Variants in ANXA10 observed in about 807,000 individuals in gnomAD.
ANXA10 encodes annexin 14.
ANXA10 carries 49 observed loss-of-function variants against 53.5 expected under a neutral mutation model. The ratio of observed to expected loss-of-function variants is 0.92; its 90% CI spans 0.73 to 1.16. The LOEUF is 1.16. Among genes scored for constraint, ANXA10 ranks in the 50% most tolerant of loss-of-function variants. The pLI, the probability that ANXA10 is intolerant of heterozygous loss-of-function variation, is 0.00. For synonymous variants in ANXA10, 131 were observed against 128.9 expected (o/e 1.02, Z -0.11); for missense variants, 393 against 394.4 (o/e 1.00, Z 0.03).
rs1024375168 is a variant in ANXA10, at chr4:168,172,492, T to C, written c.481-5248T>C. On this transcript the variant is annotated intron_variant, in intron 6 of 11. Coordinates refer to ENST00000359299, the MANE Select transcript of ANXA10 (RefSeq NM_007193.5). ...AAATCTTCCCACATCCACTGATGCA[T>C]CTTTGAAGTCTGCTATCTAAAGTTA... Among the ~76,000 whole-genome samples the C allele has an allele frequency of 2.0e-5, 3 of 152,226 alleles. No individual in the cohort carries two copies. In the South Asian group the frequency reaches 6.2e-4, roughly 32 times the overall value.
intron 2 of ANXA10, among the ~76,000 whole-genome samples, chr4:168,131,370 G>T (rs1731154230): frequency 6.6e-6 from 1 of 151,904 alleles, no homozygotes; most frequent in Non-Finnish European, 1.5e-5. Context: ...AAATTGTTAA[G>T]ATGTGTTTTG....
intron 3 of ANXA10, among the ~76,000 whole-genome samples, chr4:168,151,116 A>C (rs574031196): frequency 6.6e-6 from 1 of 152,182 alleles, no homozygotes; most frequent in East Asian, 1.9e-4. Context: ...TTAATTTTTC[A>C]ATATAATATA....
chr4:168,113,464 T>C (rs537931869), intron 1 of ANXA10: 1 of 152,302 alleles, frequency 6.6e-6, no homozygotes, highest in Non-Finnish European at 1.5e-5. Flanking sequence ...TCTCACTTGG[T>C]CTGGTGAGAG....
At position 168,187,425 on chromosome 4, in the gene ANXA10, G is replaced by A; in HGVS notation, c.966G>A (p.Glu322=). Residue 322 remains glutamate (E), a synonymous_variant, in exon 12 of 12, where the codon GAG becomes GAA. Coordinates refer to ENST00000359299, the MANE Select transcript of ANXA10 (RefSeq NM_007193.5). ...ALLAICAGDA[E]DY The stretch of plus-strand genomic sequence containing the variant: ...TTGCCATCTGTGCTGGTGATGCTGA[G>A]GACTACTAAAATGAAGAGGACTTGG... The A allele has an allele frequency of 1.3e-6, 2 of 1,591,602 alleles. No homozygotes were observed. The highest frequency in any genetic ancestry group is 1.7e-6 in the Non-Finnish European group (2 of 1,167,142).
chr4:168,118,537 T>A (rs1730934515), intron 1 of ANXA10, among the ~76,000 whole-genome samples: 1 of 152,164 alleles, frequency 6.6e-6, no homozygotes, highest in Non-Finnish European at 1.5e-5. Context: ...GCACTAGTAG[T>A]GTTCTGTTTT....
chr4:168,101,233 C>T (rs1357877734), intron 1 of ANXA10, among the ~76,000 whole-genome samples: 1 of 152,004 alleles, frequency 6.6e-6, no homozygotes, highest in Non-Finnish European at 1.5e-5. Context: ...GTGCTGGCTG[C>T]CCCTTTGCCC....
chr4:168,136,118 G>A (rs573003011), intron 2 of ANXA10, among the ~76,000 whole-genome samples: 7 of 152,140 alleles, frequency 4.6e-5, no homozygotes, highest in Admixed American at 3.9e-4. Context: ...ACCAGCAAGG[G>A]GGAAATCTGC....
At chr4:168,099,690 C>T (rs907233739) in intron 1 of ANXA10, among the ~76,000 whole-genome samples, 1 of 151,958 alleles carries the variant, frequency 6.6e-6, no homozygotes, top group Non-Finnish European at 1.5e-5. Flanking sequence ...TGACTGTGGG[C>T]GGCTATGCTT....
At chr4:168,159,646 A>C (rs575889398) in intron 3 of ANXA10, among the ~76,000 whole-genome samples, 2 of 152,224 alleles carry the variant, frequency 1.3e-5, no homozygotes, top group Admixed American at 1.3e-4. Flanking sequence ...GTCCATTTCA[A>C]CTAAATTTTA....
At chr4:168,169,193 A>G (rs1731938530) in intron 6 of ANXA10, among the ~76,000 whole-genome samples, 1 of 152,206 alleles carries the variant, frequency 6.6e-6, no homozygotes, top group African/African-American at 2.4e-5. Flanking sequence ...GATTGACAAG[A>G]TGCCAATTGA....
intron 6 of ANXA10, among the ~76,000 whole-genome samples, chr4:168,167,616 T>C (rs1221835646): frequency 6.6e-6 from 1 of 152,234 alleles, no homozygotes; most frequent in African/African-American, 2.4e-5. Context: ...ACGTTATCAA[T>C]ATTTCTTTAA....
chr4:168,104,851 A>G (rs1454998401), intron 1 of ANXA10, among the ~76,000 whole-genome samples: 1 of 150,450 alleles, frequency 6.6e-6, no homozygotes, highest in Non-Finnish European at 1.5e-5. Flanking sequence ...TGTCTTTATT[A>G]CCTCCTACCT....
At position 168,177,967 on chromosome 4, in the gene ANXA10, C is replaced by A. The variant is rs771323954; in HGVS notation, c.612C>A (p.Tyr204Ter). Residue 204 changes from tyrosine to a stop codon, truncating the protein, a stop_gained, in exon 8 of 12, where the codon TAC (tyrosine) becomes TAA (stop). Coordinates refer to ENST00000359299, the MANE Select transcript of ANXA10 (RefSeq NM_007193.5). LOFTEE classifies it high-confidence loss of function. ...AAATGATCCTGTGCAACAAGAGCTA[C>A]CAGCAGCTGCGGCTGGGTAATTATT... ...MLQMILCNKS[Y>*]QQLRLVFQEF... 1.2e-6 allele frequency: 2 copies of A among 1,613,536 alleles called. No individual in the cohort carries two copies. The highest frequency in any genetic ancestry group is 3.3e-5 in the Admixed American group (2 of 60,012).
chr4:168,102,327 G>A (rs759968550), intron 1 of ANXA10, among the ~76,000 whole-genome samples: 3 of 151,976 alleles, frequency 2.0e-5, no homozygotes, highest in Admixed American at 1.3e-4. Flanking sequence ...TTTAAGTCAT[G>A]TATCCAATGC....
chr4:168,109,655 A>C (rs1560959642), intron 1 of ANXA10, among the ~76,000 whole-genome samples: 3 of 152,232 alleles, frequency 2.0e-5, no homozygotes, highest in Non-Finnish European at 2.9e-5. Context: ...AAGAGCTGAC[A>C]GATGAATCTG....
At chr4:168,155,208 A>T (rs1216366249) in intron 3 of ANXA10, among the ~76,000 whole-genome samples, 2 of 149,688 alleles carry the variant, frequency 1.3e-5, no homozygotes, top group African/African-American at 4.9e-5. Flanking sequence ...CTTTCCACGA[A>T]CCTTCATTTT....
chr4:168,186,417 GTGA>G (rs769587156), intron 11 of ANXA10, among the ~76,000 whole-genome samples: 2 of 152,192 alleles, frequency 1.3e-5, no homozygotes, highest in Non-Finnish European at 1.5e-5. Context: ...CCCCAAAGAA[GTGA>G]TGATACTAGG....
chr4:168,145,204 C>G (rs754054807), intron 3 of ANXA10, among the ~76,000 whole-genome samples: 1 of 152,104 alleles, frequency 6.6e-6, no homozygotes. Context: ...CAAGCACTGA[C>G]CCTAGGTTTT....
rs1421326906 is a variant in ANXA10, at chr4:168,144,293, TCTC to T, written c.195+4716_195+4718del. Among the ~76,000 whole-genome samples, 8 of 152,170 alleles carry T rather than the reference TCTC, an allele frequency of 5.3e-5. 1 individual carries two copies. The highest frequency in any genetic ancestry group is 3.9e-4 in the Admixed American group (6 of 15,270). ...CCTCCACCTCCCAGGTTCAAGCAATTCTCCTGCAACAGCCTCCCAAGTAGCTGA... is the reference window on the plus strand; with the variant it reads ...CCTCCACCTCCCAGGTTCAAGCAATTCTGCAACAGCCTCCCAAGTAGCTGA... On this transcript the variant is annotated intron_variant, in intron 3 of 11. Coordinates refer to ENST00000359299, the MANE Select transcript of ANXA10 (RefSeq NM_007193.5).
Sources: gnomAD v4.1 joint callset for allele counts (sites outside exome capture counted in the v4.1 genomes callset) on GRCh38, gnomAD v4.1.1 for gene constraint, MANE v1.5 for transcripts, NCBI Gene and HGNC (gene_info 2026-07-23, HGNC 2026-07-21) for gene names.